The following RXRA variants were observed in gnomAD, a reference collection of about 807,000 sequenced individuals.
RXRA encodes the protein retinoid X receptor alpha.
A neutral mutation model predicts 44.5 loss-of-function variants in RXRA; 5 were observed. The observed-to-expected ratio is 0.11, with a 90% CI of 0.06 to 0.24. The LOEUF (loss-of-function observed/expected upper bound fraction) is 0.24. Ranked by LOEUF, RXRA falls within the 10% of genes least tolerant of loss-of-function variation. RXRA has a pLI of 1.00. For missense variants in RXRA, 412 were observed against 646.5 expected, an observed-to-expected ratio of 0.64 and a Z score of 3.93; for synonymous variants, 291 against 271.4, an observed-to-expected ratio of 1.07 and a Z score of -0.71.
chr9:134,341,787 C>A (rs2119028129), intron 1 of RXRA, among the ~76,000 whole-genome samples: 1 of 152,314 alleles, frequency 6.6e-6, no homozygotes, highest in East Asian at 1.9e-4. Flanking sequence ...CTGTTTGTTG[C>A]CACCCCTCCT....
chr9:134,414,327 G>A (rs2119171564), intron 4 of RXRA, among the ~76,000 whole-genome samples: 1 of 152,378 alleles, frequency 6.6e-6, no homozygotes, highest in African/African-American at 2.4e-5. Flanking sequence ...CATGCCCTGG[G>A]GCTACCTCTG....
At chr9:134,380,959 C>G (rs907239227) in intron 1 of RXRA, among the ~76,000 whole-genome samples, 9 of 152,180 alleles carry the variant, frequency 5.9e-5, no homozygotes, top group African/African-American at 2.2e-4. Flanking sequence ...AGGGGGTGCC[C>G]CTCACTGTAC....
intron 5 of RXRA, among the ~76,000 whole-genome samples, chr9:134,420,500 C>G (rs968115554): frequency 6.6e-6 from 1 of 152,240 alleles, no homozygotes; most frequent in Admixed American, 6.5e-5. Context: ...CTGCCCTCTT[C>G]CGAGGGTCCT....
intron 1 of RXRA, among the ~76,000 whole-genome samples, chr9:134,374,653 C>T (rs896284011): frequency 2.0e-5 from 3 of 152,244 alleles, no homozygotes; most frequent in Admixed American, 6.5e-5. Context: ...GCCAGGCCAG[C>T]GGCTGCCTGG....
chr9:134,386,372 G>A (rs1830720746), intron 1 of RXRA, among the ~76,000 whole-genome samples: 1 of 152,278 alleles, frequency 6.6e-6, no homozygotes, highest in Non-Finnish European at 1.5e-5. Flanking sequence ...GCGGGCGGGG[G>A]ACCGCAGGTG....
intron 7 of RXRA, 63 bp from the exon 8 acceptor site, chr9:134,431,842 G>A (rs1292040944): frequency 3.1e-6 from 4 of 1,306,372 alleles, no homozygotes; most frequent in African/African-American, 2.9e-5. Context: ...GGGTATCTGG[G>A]GTGTGGCCCT....
At chr9:134,401,909 G>A in intron 2 of RXRA, 27 bp downstream of exon 2, 1 of 1,554,596 alleles carries the variant, frequency 6.4e-7, no homozygotes, top group Non-Finnish European at 8.7e-7. Flanking sequence ...GGCAAGGGGA[G>A]GGGGTGGGGC....
chr9:134,368,760 G>T (rs1188065077), intron 1 of RXRA, among the ~76,000 whole-genome samples: 1 of 122,590 alleles, frequency 8.2e-6, no homozygotes, highest in Non-Finnish European at 1.6e-5. Flanking sequence ...GTGGATGTGT[G>T]TGTGACTGTG....
chr9:134,360,915 G>A (rs1412578212), intron 1 of RXRA, among the ~76,000 whole-genome samples: 1 of 152,218 alleles, frequency 6.6e-6, no homozygotes, highest in Non-Finnish European at 1.5e-5. Context: ...GATGCAGGGC[G>A]AGGGTTCCGT....
chr9:134,336,821 A>C (rs1306771502), intron 1 of RXRA, among the ~76,000 whole-genome samples: 1 of 152,208 alleles, frequency 6.6e-6, no homozygotes, highest in South Asian at 2.1e-4. Flanking sequence ...CGTTCCTTGC[A>C]AAGTTGATTT....
intron 4 of RXRA, 65 bp downstream of exon 4, chr9:134,409,184 G>A (rs971363596): frequency 1.5e-5 from 21 of 1,432,236 alleles, no homozygotes; most frequent in Non-Finnish European, 2.0e-5. Flanking sequence ...CCGGGCTTGT[G>A]CGTGGACACC....
intron 1 of RXRA, among the ~76,000 whole-genome samples, chr9:134,385,392 C>T (rs1830704565): frequency 6.6e-6 from 1 of 152,210 alleles, no homozygotes; most frequent in Non-Finnish European, 1.5e-5. Context: ...CCTCTCGAGG[C>T]GGGTTCCATC....
rs1273731695 is a variant in RXRA, at chr9:134,342,280, C to T, written c.28+15621C>T. Among the ~76,000 whole-genome samples, 2 of 152,072 alleles carry T rather than the reference C, an allele frequency of 1.3e-5. No individual in the cohort carries two copies. The highest frequency in any genetic ancestry group is 4.8e-5 in the African/African-American group (2 of 41,400). On this transcript the variant is annotated intron_variant, in intron 1 of 9. Coordinates refer to ENST00000481739, the MANE Select transcript of RXRA (RefSeq NM_002957.6). The surrounding 1 kb of genome is among the most constrained non-coding windows in gnomAD (Gnocchi z 4.4). ...CTAGCAAGCCACAGTGCACCAGGTGCCCCGGTACCAGCTTGTGCCAAGCCC... is the reference window on the plus strand; with the variant it reads ...CTAGCAAGCCACAGTGCACCAGGTGTCCCGGTACCAGCTTGTGCCAAGCCC...
At chr9:134,369,325 T>G (rs1388122340) in intron 1 of RXRA, among the ~76,000 whole-genome samples, 26 of 45,924 alleles carry the variant, frequency 5.7e-4, no homozygotes, top group Admixed American at 1.8e-3. Flanking sequence ...GTTGTGTGTG[T>G]GGGGGGGGTT....
At position 134,328,615 on chromosome 9, in the gene RXRA, C is replaced by T. The variant is rs1834952562; in HGVS notation, c.28+1956C>T. On this transcript the variant is annotated intron_variant, in intron 1 of 9. Transcript: ENST00000481739. ...ATTTTTTTTCTAAGCTTGTGACCAGCTCTGAAGTCCAGAGCAGTCGAAGGT... is the reference window on the plus strand; with the variant it reads ...ATTTTTTTTCTAAGCTTGTGACCAGTTCTGAAGTCCAGAGCAGTCGAAGGT... Among the ~76,000 whole-genome samples the T allele has an allele frequency of 2.0e-5, 3 of 152,330 alleles. No individual in the cohort carries two copies. In the South Asian group the frequency reaches 6.2e-4, roughly 32 times the overall value.
At chr9:134,400,772 G>C (rs562016334) in intron 1 of RXRA, among the ~76,000 whole-genome samples, 1 of 152,250 alleles carries the variant, frequency 6.6e-6, no homozygotes, top group East Asian at 1.9e-4. Context: ...CCTCTCCTGC[G>C]GCCCTATGGG....
intron 9 of RXRA, 82 bp downstream of exon 9, chr9:134,434,289 G>A: frequency 9.8e-7 from 1 of 1,020,976 alleles, no homozygotes; most frequent in African/African-American, 1.6e-5. Context: ...GCCATTTTAT[G>A]TGAATGAGAA....
chr9:134,327,919 A>C (rs1263181008), intron 1 of RXRA, among the ~76,000 whole-genome samples: 1 of 152,126 alleles, frequency 6.6e-6, no homozygotes, highest in South Asian at 2.1e-4. Context: ...CGAGGCCTTG[A>C]ATGAGCTCCA....
intron 1 of RXRA, among the ~76,000 whole-genome samples, chr9:134,363,786 C>T (rs757655780): frequency 3.9e-5 from 6 of 152,120 alleles, no homozygotes; most frequent in Non-Finnish European, 7.4e-5. Flanking sequence ...ACCCCAGGGC[C>T]GGAGGTGCGA....
Sources: allele counts gnomAD v4.1 joint callset (sites outside exome capture counted in the v4.1 genomes callset), GRCh38; gene constraint gnomAD v4.1.1; non-coding constraint Gnocchi (gnomAD v3.1); transcripts MANE v1.5; gene names NCBI Gene and HGNC (gene_info 2026-07-23, HGNC 2026-07-21).